The following MAP3K5 variants were observed in gnomAD, a reference collection of about 807,000 sequenced individuals.
MAP3K5 encodes the protein mitogen-activated protein kinase kinase kinase 5.
In MAP3K5, 56 loss-of-function variants were observed where a neutral mutation model predicts 158.7. That is an observed-to-expected ratio of 0.35 (90% CI 0.28 to 0.44). MAP3K5 has a LOEUF of 0.44. Ranked by LOEUF, MAP3K5 falls within the 20% of genes least tolerant of loss-of-function variation. The probability of loss-of-function intolerance (pLI) is 1.00; values close to 1 mark genes in which losing one functional copy is unlikely to be tolerated. For missense variants in MAP3K5, 1,294 were observed against 1,674.8 expected, an observed-to-expected ratio of 0.77 and a Z score of 3.97; for synonymous variants, 579 against 601.7, an observed-to-expected ratio of 0.96 and a Z score of 0.55.
At chr6:136,710,026 C>T (rs1219236579) in intron 2 of MAP3K5, among the ~76,000 whole-genome samples, 1 of 152,198 alleles carries the variant, frequency 6.6e-6, no homozygotes, top group African/African-American at 2.4e-5. Context: ...ATCCTGTTCT[C>T]CTGAAGGAGA....
chr6:136,636,150 T>G (rs1487682913), intron 14 of MAP3K5, among the ~76,000 whole-genome samples: 1 of 151,790 alleles, frequency 6.6e-6, no homozygotes, highest in African/African-American at 2.4e-5. Flanking sequence ...CAAGGTGCAG[T>G]TATTAGGAGG....
Position 136,706,921 on chromosome 6 carries a change from G to C in MAP3K5, c.589-1788C>G, listed in dbSNP as rs142447782. 5.6e-4 allele frequency among the ~76,000 whole-genome samples: 86 copies of C among 152,348 alleles called. 1 individual carries two copies. In the East Asian group the frequency reaches 0.01, roughly 18 times the overall value. ...TCAGCGCTTTGGGAGGCTAAGGCCGGAAGATCACTTGAGACTAGGAGTTTG... is the reference window on the plus strand; with the variant it reads ...TCAGCGCTTTGGGAGGCTAAGGCCGCAAGATCACTTGAGACTAGGAGTTTG... On this transcript the variant is annotated intron_variant, in intron 2 of 29. Transcript: ENST00000359015.
chr6:136,677,910 T>C (rs1395295608), intron 7 of MAP3K5, among the ~76,000 whole-genome samples: 6 of 152,212 alleles, frequency 3.9e-5, no homozygotes, highest in Non-Finnish European at 7.3e-5. Flanking sequence ...AGGCATTGAA[T>C]GAGACATTTC....
chr6:136,772,238 G>GC (rs1018909539), intron 1 of MAP3K5, among the ~76,000 whole-genome samples: 5 of 150,590 alleles, frequency 3.3e-5, no homozygotes, highest in Admixed American at 1.3e-4. Context: ...ATTATTTTGA[G>GC]GGGGGGGGAG....
At chr6:136,689,075 G>A (rs1780276465) in intron 7 of MAP3K5, among the ~76,000 whole-genome samples, 2 of 152,020 alleles carry the variant, frequency 1.3e-5, no homozygotes, top group African/African-American at 4.8e-5. Context: ...TGAGGCAGGA[G>A]GATCACTTGA....
chr6:136,732,732 T>C (rs569336531), intron 1 of MAP3K5, among the ~76,000 whole-genome samples: 1 of 152,308 alleles, frequency 6.6e-6, no homozygotes, highest in East Asian at 1.9e-4. Context: ...CTTTTACTTG[T>C]GATAGTAACA....
At chr6:136,669,246 T>G in intron 8 of MAP3K5, 37 bp downstream of exon 8, 1 of 1,377,528 alleles carries the variant, frequency 7.3e-7, no homozygotes, top group Non-Finnish European at 1.0e-6. Flanking sequence ...TGGGTCCAGT[T>G]TCTTGATTTC....
At chr6:136,760,253 A>G (rs1783688307) in intron 1 of MAP3K5, among the ~76,000 whole-genome samples, 1 of 152,190 alleles carries the variant, frequency 6.6e-6, no homozygotes, top group African/African-American at 2.4e-5. Flanking sequence ...AGTTATATAT[A>G]TAATTGTCAC....
At chr6:136,684,692 G>T (rs1282210243) in intron 7 of MAP3K5, among the ~76,000 whole-genome samples, 1 of 152,098 alleles carries the variant, frequency 6.6e-6, no homozygotes, top group African/African-American at 2.4e-5. Flanking sequence ...CTGTCATCTT[G>T]CTCCTTCTCC....
At chr6:136,742,588 TATC>T (rs1303158884) in intron 1 of MAP3K5, among the ~76,000 whole-genome samples, 10 of 152,134 alleles carry the variant, frequency 6.6e-5, no homozygotes, top group African/African-American at 2.4e-4. Flanking sequence ...TGACCATTGG[TATC>T]ATCATAACTT....
chr6:136,614,979 A>T (rs933142472), intron 15 of MAP3K5, among the ~76,000 whole-genome samples: 2 of 152,190 alleles, frequency 1.3e-5, no homozygotes, highest in African/African-American at 4.8e-5. Context: ...TGAAAGTGTG[A>T]CTTCAAAATT....
intron 21 of MAP3K5, among the ~76,000 whole-genome samples, chr6:136,598,674 G>A (rs1775738046): frequency 6.6e-6 from 1 of 152,192 alleles, no homozygotes; most frequent in Admixed American, 6.5e-5. Flanking sequence ...CTCTTGAGGG[G>A]AAGCCAAGTG....
intron 1 of MAP3K5, among the ~76,000 whole-genome samples, chr6:136,741,538 A>G (rs192182275): frequency 1.6e-4 from 25 of 152,102 alleles, no homozygotes; most frequent in Admixed American, 5.2e-4. Context: ...AGCTAACATC[A>G]TACTTAATGG....
intron 14 of MAP3K5, among the ~76,000 whole-genome samples, chr6:136,635,037 A>C (rs1284919286): frequency 6.6e-6 from 1 of 151,718 alleles, no homozygotes; most frequent in Admixed American, 6.6e-5. Flanking sequence ...GGCACCTGCC[A>C]CCACAGCCTG....
chr6:136,598,783 T>C (rs1270970796), intron 21 of MAP3K5, among the ~76,000 whole-genome samples: 1 of 152,178 alleles, frequency 6.6e-6, no homozygotes, highest in African/African-American at 2.4e-5. Flanking sequence ...AAGAGGCCTG[T>C]ATCTTGTACT....
chr6:136,716,486 GA>G (rs1781534492), intron 2 of MAP3K5, among the ~76,000 whole-genome samples: 1 of 152,184 alleles, frequency 6.6e-6, no homozygotes. Context: ...ATCACAAGAA[GA>G]TAAGCTGAGA....
chr6:136,568,832 T>C (rs1445214892), intron 25 of MAP3K5, among the ~76,000 whole-genome samples: 1 of 124,076 alleles, frequency 8.1e-6, no homozygotes, highest in Non-Finnish European at 1.6e-5. Flanking sequence ...TACTCCAACC[T>C]GGGCAACAGA....
intron 1 of MAP3K5, among the ~76,000 whole-genome samples, chr6:136,731,554 T>C (rs1275531658): frequency 2.0e-5 from 3 of 152,218 alleles, no homozygotes; most frequent in African/African-American, 7.2e-5. Flanking sequence ...TCCAGGATTA[T>C]CTTATCTCAA....
intron 26 of MAP3K5, among the ~76,000 whole-genome samples, chr6:136,563,810 C>T (rs997421135): frequency 1.3e-5 from 2 of 152,174 alleles, no homozygotes; most frequent in Non-Finnish European, 2.9e-5. Context: ...TAAAATATAT[C>T]GTTATTAAGA....
Sources: gnomAD v4.1 joint callset for allele counts (sites outside exome capture counted in the v4.1 genomes callset) on GRCh38, gnomAD v4.1.1 for gene constraint, MANE v1.5 for transcripts, NCBI Gene and HGNC (gene_info 2026-07-23, HGNC 2026-07-21) for gene names.